The following TACC1 variants were observed in gnomAD, a reference collection of about 807,000 sequenced individuals.
TACC1 encodes transforming acidic coiled-coil-containing protein 1.
A neutral mutation model predicts 84.4 loss-of-function variants in TACC1; 48 were observed. The observed-to-expected ratio is 0.57, with a 90% CI of 0.45 to 0.72. TACC1 has a LOEUF of 0.72. TACC1 is among the 30% of genes least tolerant of loss of function. The probability of loss-of-function intolerance (pLI) is 0.00; values close to 1 mark genes in which losing one functional copy is unlikely to be tolerated. For missense variants in TACC1, 920 were observed against 973.0 expected (o/e 0.95, Z 0.72); for synonymous variants, 372 against 376.3 (o/e 0.99, Z 0.13).
At chr8:38,780,079 T>C (rs10111493) in intron 3 of TACC1, among the ~76,000 whole-genome samples, 2,131 of 152,354 alleles carry the variant, frequency 0.014, 54 homozygotes, top group African/African-American at 0.049. Context: ...TTTTTTTAAA[T>C]GTAACCAAAT....
intron 6 of TACC1, among the ~76,000 whole-genome samples, chr8:38,834,102 G>T (rs1242880563): frequency 6.6e-6 from 1 of 152,202 alleles, no homozygotes; most frequent in Non-Finnish European, 1.5e-5. Context: ...GTTTCTGTGC[G>T]TCAGGAATCT....
chr8:38,848,689 AT>A lies in TACC1; in HGVS notation c.*668del, dbSNP rs1392001431. The A allele has an allele frequency of 6.6e-6, 1 of 152,572 alleles. No homozygotes were observed. The highest frequency in any genetic ancestry group is 1.5e-5 in the Non-Finnish European group (1 of 68,036). The allele number at this position is 152,572 out of a possible 1,614,324, so 9.5% of individuals were successfully genotyped here. ...GAACACCAACTTAAGAATTTGGGGG[AT>A]TAAAGATGTGAAGACCACAGTCTTG... On this transcript the variant is annotated 3_prime_UTR_variant, in exon 13 of 13. Transcript: ENST00000317827.
At chr8:38,754,928 C>T (rs890916638) in intron 3 of TACC1, among the ~76,000 whole-genome samples, 2 of 152,088 alleles carry the variant, frequency 1.3e-5, no homozygotes, top group Non-Finnish European at 1.5e-5. Context: ...TTCGGGAGGC[C>T]GAGGCAGGCG....
chr8:38,772,361 C>CT (rs1813808078), intron 3 of TACC1, among the ~76,000 whole-genome samples: 1 of 152,166 alleles, frequency 6.6e-6, no homozygotes, highest in Non-Finnish European at 1.5e-5. Flanking sequence ...GAATTTTACT[C>CT]TAAGAAAAGA....
At chr8:38,840,166 C>T in intron 8 of TACC1, 58 bp from the exon 9 acceptor site, 1 of 1,367,922 alleles carries the variant, frequency 7.3e-7, no homozygotes, top group Non-Finnish European at 1.0e-6. Context: ...CAGCATTTCT[C>T]CAACTTTCAT....
At chr8:38,778,186 T>G (rs1230684016) in intron 3 of TACC1, among the ~76,000 whole-genome samples, 1 of 152,138 alleles carries the variant, frequency 6.6e-6, no homozygotes, top group Non-Finnish European at 1.5e-5. Context: ...GCTCAAGCGA[T>G]CCTCCTGCCT....
rs1041168083 is a variant in TACC1, at chr8:38,819,868, C to T, written c.624C>T (p.Ser208=). Residue 208 remains serine, a synonymous_variant, in exon 3 of 13, where the codon TCC becomes TCT. Transcript: ENST00000317827. Reference sequence around the variant, plus strand: ...GCATGGGGGTCACCCTCGAGGCCTCCGCAGAAGCTGATCTAAAAGCTGGCA... The same window carrying T: ...GCATGGGGGTCACCCTCGAGGCCTCTGCAGAAGCTGATCTAAAAGCTGGCA... The part of the protein sequence containing the change: ...EGSMGVTLEA[S]AEADLKAGNS... 10 of 1,613,932 alleles carry T rather than the reference C, an allele frequency of 6.2e-6. No homozygotes were observed. The highest frequency in any genetic ancestry group is 7.6e-6 in the Non-Finnish European group (9 of 1,180,026).
intron 3 of TACC1, among the ~76,000 whole-genome samples, chr8:38,772,736 A>C (rs1813892206): frequency 6.6e-6 from 1 of 152,120 alleles, no homozygotes. Context: ...TAATTTGTTA[A>C]ATGTTAATAA....
At chr8:38,813,823 C>T (rs781756087) in intron 2 of TACC1, among the ~76,000 whole-genome samples, 3 of 152,128 alleles carry the variant, frequency 2.0e-5, no homozygotes, top group Admixed American at 1.3e-4. Flanking sequence ...GTTCTCTGTG[C>T]ACTTTAGTTT....
intron 4 of TACC1, among the ~76,000 whole-genome samples, chr8:38,826,845 T>G (rs1341357692): frequency 6.6e-6 from 1 of 152,124 alleles, no homozygotes; most frequent in Admixed American, 6.5e-5. Context: ...ATGGGGGACA[T>G]AGATTTTCAA....
In TACC1 at chr8:38,833,148, A is replaced by G. The variant is rs150010311; in HGVS notation, c.1713+1971A>G. ...GTAGATTCTATAACAAGCTTGTCCA[A>G]CTTGCTTAATTTTGTTGTTGTTGTT... On this transcript the variant is annotated intron_variant, in intron 6 of 12. Coordinates refer to ENST00000317827, the MANE Select transcript of TACC1 (RefSeq NM_006283.3). Among the ~76,000 whole-genome samples, 13 of 152,316 alleles carry G rather than the reference A, an allele frequency of 8.5e-5. No homozygotes were observed. The East Asian group carries it at 2.1e-3, about 25-fold the overall frequency.
chr8:38,841,535 T>C (rs1485314595), intron 9 of TACC1, among the ~76,000 whole-genome samples: 2 of 152,178 alleles, frequency 1.3e-5, no homozygotes, highest in Non-Finnish European at 2.9e-5. Flanking sequence ...CAAATGACTG[T>C]CAAAGTCCAG....
intron 3 of TACC1, among the ~76,000 whole-genome samples, chr8:38,755,752 CA>C (rs149891528): frequency 0.075 from 6,951 of 93,094 alleles, 534 homozygotes; most frequent in African/African-American, 0.23. Context: ...ACAACAACAA[CA>C]GAGTGTTCCT....
chr8:38,754,572 A>G (rs983827373), intron 3 of TACC1, among the ~76,000 whole-genome samples: 6 of 152,224 alleles, frequency 3.9e-5, no homozygotes, highest in African/African-American at 1.4e-4. Flanking sequence ...TGAACTTAAA[A>G]GAAAAATTAT....
At chr8:38,734,670 G>T (rs1230809040) in intron 1 of TACC1, among the ~76,000 whole-genome samples, 2 of 152,254 alleles carry the variant, frequency 1.3e-5, no homozygotes, top group East Asian at 3.8e-4. Flanking sequence ...TGACTTTCGG[G>T]TTAATCATTA....
rs1435102741 is a variant in TACC1 at position 38,848,286 on chromosome 8, C to T, written c.*263C>T. 3.1e-6 allele frequency: 1 copy of T among 326,934 alleles called. No individual in the cohort carries two copies. The highest frequency in any genetic ancestry group is 5.5e-6 in the Non-Finnish European group (1 of 181,344). 20.3% of individuals were successfully genotyped at this position (326,934 alleles called of 1,614,324 possible). A position where few individuals can be genotyped will look rare whatever the true frequency, so the allele number is the denominator to read the frequency against. ...TTCCCCCTATGAAGGTTCCCTTAGG[C>T]TGCTGAGTTTGGGTTTGTGATTTAT... On this transcript the variant is annotated 3_prime_UTR_variant, in exon 13 of 13. Coordinates refer to ENST00000317827, the MANE Select transcript of TACC1 (RefSeq NM_006283.3).
intron 1 of TACC1, among the ~76,000 whole-genome samples, chr8:38,740,099 G>T (rs567404825): frequency 6.6e-6 from 1 of 152,168 alleles, no homozygotes; most frequent in Admixed American, 6.5e-5. Context: ...CTTTCTTGGC[G>T]AGAGATCTGA....
chr8:38,808,369 T>A (rs570590690), intron 2 of TACC1, among the ~76,000 whole-genome samples: 1 of 152,368 alleles, frequency 6.6e-6, no homozygotes, highest in South Asian at 2.1e-4. Flanking sequence ...TAACTTCTTA[T>A]AAAAGTGACT....
chr8:38,836,335 G>A (rs2152301726), intron 7 of TACC1, 48 bp downstream of exon 7: 2 of 1,589,184 alleles, frequency 1.3e-6, no homozygotes, highest in East Asian at 4.5e-5. Context: ...TTCTTTGTAA[G>A]GCCCATGTAC....
Sources: gnomAD v4.1 joint callset for allele counts (sites outside exome capture counted in the v4.1 genomes callset) on GRCh38, gnomAD v4.1.1 for gene constraint, MANE v1.5 for transcripts, NCBI Gene and HGNC (gene_info 2026-07-23, HGNC 2026-07-21) for gene names.